Variants in EFEMP1 observed in about 807,000 individuals in gnomAD.
The protein encoded by EFEMP1 is EGF-containing fibulin-like extracellular matrix protein 1.
In EFEMP1, 18 loss-of-function variants were observed where a neutral mutation model predicts 65.7. The observed-to-expected ratio is 0.27, with a 90% CI of 0.19 to 0.41. The LOEUF is 0.41. Ranked by LOEUF, EFEMP1 falls within the 10% of genes least tolerant of loss-of-function variation. The pLI is 1.00. For synonymous variants in EFEMP1, 237 were observed against 219.7 expected (o/e 1.08, Z -0.70); for missense variants, 469 against 624.8 (o/e 0.75, Z 2.66).
rs1185041071 is a variant in EFEMP1, at chr2:55,866,263, T to C, written c.*810A>G. ...GAAATACCTTTTATCCATTTTGTTC[T>C]GCATCTTGTGGAAGTCCTGAATTCA... On this transcript the variant is annotated 3_prime_UTR_variant, in exon 12 of 12. Transcript: ENST00000355426. 6.6e-6 allele frequency: 1 copy of C among 152,238 alleles called. No individual in the cohort carries two copies. The allele number at this position is 152,238 out of a possible 1,614,324, so 9.4% of individuals were successfully genotyped here. A position where few individuals can be genotyped will look rare whatever the true frequency, so the allele number is the denominator to read the frequency against.
At position 55,877,062 on chromosome 2, in the gene EFEMP1, C is replaced by T. The variant is rs766611738; in HGVS notation, c.761-320G>A. Among the ~76,000 whole-genome samples, 4 of 152,078 alleles carry T rather than the reference C, an allele frequency of 2.6e-5. No individual in the cohort carries two copies. The highest frequency in any genetic ancestry group is 2.1e-4 in the South Asian group (1 of 4,810). On this transcript the variant is annotated intron_variant, in intron 7 of 11. Transcript: ENST00000355426. This position sits in a 1 kb window ranked among gnomAD's most constrained non-coding sequence, Gnocchi z 4.5. ...TAATGCTTCTAATAAATATACACTC[C>T]GGTATCGATTTTCTTTTGTTGTTCA...
chr2:55,871,387 A>G lies in EFEMP1; in HGVS notation c.1001-264T>C, dbSNP rs994326917. On this transcript the variant is annotated intron_variant, in intron 9 of 11. Transcript: ENST00000355426. The surrounding 1 kb of genome is among the most constrained non-coding windows in gnomAD (Gnocchi z 4.2). ...GTTCATCTGTTGAATTCAAACCCCA[A>G]TGTTAACCACTGACTCTGCCTATAT... Among the ~76,000 whole-genome samples the G allele has an allele frequency of 2.0e-5, 3 of 152,172 alleles. No homozygotes were observed. Among genetic ancestry groups the G allele is most frequent in the African/African-American group, 4.8e-5 (2 of 41,458 alleles).
At chr2:55,916,494 C>G (rs1323746535) in intron 5 of EFEMP1, among the ~76,000 whole-genome samples, 1 of 152,212 alleles carries the variant, frequency 6.6e-6, no homozygotes, top group Non-Finnish European at 1.5e-5. Context: ...GGGGCAGCAT[C>G]CCAGGGCACA....
At chr2:55,889,594 C>T (rs1446266716) in intron 5 of EFEMP1, among the ~76,000 whole-genome samples, 6 of 152,022 alleles carry the variant, frequency 3.9e-5, no homozygotes. Flanking sequence ...TAAATAAGTA[C>T]TGACTGCCTA....
rs568272529 is a variant in EFEMP1, at chr2:55,881,709, C to T, written c.543G>A (p.Thr181=). 431 of 1,613,918 alleles carry T rather than the reference C, an allele frequency of 2.7e-4. 5 individuals carry two copies. In the South Asian group the frequency reaches 4.1e-3, roughly 15 times the overall value. ...ACACTTGGTCTGCTCTACAGTTGTG[C>T]GTCCCTGCAGTGCACTCGTCTATGT... ...CQDIDECTAG[T]HNCRADQVCI... The change falls in exon 6 of 12, where the codon ACG becomes ACA. Residue 181 remains threonine, a synonymous_variant. Coordinates refer to ENST00000355426, the MANE Select transcript of EFEMP1 (RefSeq NM_001039348.3).
chr2:55,893,722 A>G (rs1669716187), intron 5 of EFEMP1, among the ~76,000 whole-genome samples: 1 of 152,204 alleles, frequency 6.6e-6, no homozygotes, highest in African/African-American at 2.4e-5. Context: ...TACTTCAGCT[A>G]TATACAGATG....
rs1669410934 is a variant in EFEMP1, at chr2:55,886,092, A to G, written c.518-4358T>C. Among the ~76,000 whole-genome samples the G allele has an allele frequency of 2.6e-5, 4 of 152,238 alleles. No homozygotes were observed. The South Asian group carries it at 8.3e-4, about 31-fold the overall frequency. Reference sequence around the variant, plus strand: ...TTGGTTTAAGAAATAATTTAGAACTACTTTTGAATAAGCCACTGTAGACTA... The same window carrying G: ...TTGGTTTAAGAAATAATTTAGAACTGCTTTTGAATAAGCCACTGTAGACTA... On this transcript the variant is annotated intron_variant, in intron 5 of 11. Transcript: ENST00000355426. This position sits in a 1 kb window ranked among gnomAD's most constrained non-coding sequence, Gnocchi z 4.0.
At chr2:55,906,200 A>C (rs545065557) in intron 5 of EFEMP1, among the ~76,000 whole-genome samples, 1 of 150,148 alleles carries the variant, frequency 6.7e-6, no homozygotes, top group South Asian at 2.1e-4. Flanking sequence ...ATATGATTGA[A>C]GTTCAGAACA....
chr2:55,879,506 C>T (rs78515582), intron 6 of EFEMP1, among the ~76,000 whole-genome samples: 8,176 of 152,242 alleles, frequency 0.054, 265 homozygotes, highest in Middle Eastern at 0.095. Flanking sequence ...GAATATGTGA[C>T]GCATGTCTTC....
At chr2:55,920,079 A>G (rs1670860892) in intron 3 of EFEMP1, among the ~76,000 whole-genome samples, 2 of 152,164 alleles carry the variant, frequency 1.3e-5, no homozygotes, top group Admixed American at 6.5e-5. Flanking sequence ...GGTTCTTCCC[A>G]CTACCCAGTT....
At chr2:55,892,375 A>T (rs727877) in intron 5 of EFEMP1, among the ~76,000 whole-genome samples, 15,239 of 152,012 alleles carry the variant, frequency 0.1, 929 homozygotes, top group East Asian at 0.21. Flanking sequence ...TCTAACTTGG[A>T]TCTTGGGAAA....
chr2:55,883,526 TGA>T lies in EFEMP1; in HGVS notation c.518-1794_518-1793del, dbSNP rs1669321162. ...CCAGCATTTGCAGTGATAACAGTCCTGAGAGATACGGCAATGTTAGATTCAGA... is the reference window on the plus strand; with the variant it reads ...CCAGCATTTGCAGTGATAACAGTCCTGAGATACGGCAATGTTAGATTCAGA... On this transcript the variant is annotated intron_variant, in intron 5 of 11. Transcript: ENST00000355426. This position sits in a 1 kb window ranked among gnomAD's most constrained non-coding sequence, Gnocchi z 4.5. 6.6e-6 allele frequency among the ~76,000 whole-genome samples: 1 copy of T among 152,226 alleles called. No individual in the cohort carries two copies. Among genetic ancestry groups the T allele is most frequent in the Non-Finnish European group, 1.5e-5 (1 of 68,032 alleles).
chr2:55,903,656 A>C (rs1251036739), intron 5 of EFEMP1, among the ~76,000 whole-genome samples: 1 of 152,216 alleles, frequency 6.6e-6, no homozygotes, highest in Non-Finnish European at 1.5e-5. Context: ...TAAACAATTG[A>C]ATCCCAAATC....
chr2:55,904,966 C>CT lies in EFEMP1; in HGVS notation c.517+12698dup, dbSNP rs796758221. Among the ~76,000 whole-genome samples the CT allele has an allele frequency of 2.0e-3, 144 of 70,518 alleles. 2 individuals carry two copies. The South Asian group carries it at 0.046, about 23-fold the overall frequency. 46.3% of individuals were successfully genotyped at this position (70,518 alleles called of 152,430 possible). On this transcript the variant is annotated intron_variant, in intron 5 of 11. Transcript: ENST00000355426. ...TTTCTTCTCTTCTAAGGGATAGTGG[C>CT]TTTTTTTTTTTTCTTTTTCTTTTTT...
At chr2:55,905,206 A>C (rs892354993) in intron 5 of EFEMP1, among the ~76,000 whole-genome samples, 5 of 151,922 alleles carry the variant, frequency 3.3e-5, no homozygotes, top group African/African-American at 1.2e-4. Flanking sequence ...CAGGACTTTT[A>C]CTCAATTTTT....
In EFEMP1 at chr2:55,871,264, A is replaced by G. The variant is rs1195359446; in HGVS notation, c.1001-141T>C. 5.3e-6 allele frequency: 6 copies of G among 1,132,092 alleles called. No homozygotes were observed. In the Admixed American group the frequency reaches 5.7e-5, roughly 11 times the overall value. 70.1% of individuals were successfully genotyped at this position (1,132,092 alleles called of 1,614,324 possible). On this transcript the variant is annotated intron_variant, in intron 9 of 11. Coordinates refer to ENST00000355426, the MANE Select transcript of EFEMP1 (RefSeq NM_001039348.3). This position sits in a 1 kb window ranked among gnomAD's most constrained non-coding sequence, Gnocchi z 4.2. ...TGTTCAACCTGCTTTTAGACACAAG[A>G]CTGGGTGTTCATTGTATTGAATTCA...
Position 55,873,376 on chromosome 2 carries a change from G to A in EFEMP1, c.1000+1570C>T, listed in dbSNP as rs1215728107. Among the ~76,000 whole-genome samples the A allele has an allele frequency of 5.9e-5, 9 of 151,966 alleles. No individual in the cohort carries two copies. Among genetic ancestry groups the A allele is most frequent in the African/African-American group, 2.2e-4 (9 of 41,412 alleles). On this transcript the variant is annotated intron_variant, in intron 9 of 11. Coordinates refer to ENST00000355426, the MANE Select transcript of EFEMP1 (RefSeq NM_001039348.3). This position sits in a 1 kb window ranked among gnomAD's most constrained non-coding sequence, Gnocchi z 4.6. ...GGAATCCCCCACTTACAATTTTGGT[G>A]CATTTTCCACCTTTAATTACAATAG...
At chr2:55,920,838 C>G (rs559576633) in intron 3 of EFEMP1, among the ~76,000 whole-genome samples, 21 of 152,246 alleles carry the variant, frequency 1.4e-4, no homozygotes, top group African/African-American at 4.6e-4. Context: ...CAGCGGGATA[C>G]TCAGAAATAG....
rs79168087 is a variant in EFEMP1 at position 55,919,101 on chromosome 2, G to T, written c.82-834C>A. On this transcript the variant is annotated intron_variant, in intron 3 of 11. Coordinates refer to ENST00000355426, the MANE Select transcript of EFEMP1 (RefSeq NM_001039348.3). The surrounding 1 kb of genome is among the most constrained non-coding windows in gnomAD (Gnocchi z 4.5). Reference sequence around the variant, plus strand: ...GACAGTAAATCAGGCTTTACAGGATGAGCAGGATTTTTCCAGGTGAATGTG... The same window carrying T: ...GACAGTAAATCAGGCTTTACAGGATTAGCAGGATTTTTCCAGGTGAATGTG... Among the ~76,000 whole-genome samples the T allele has an allele frequency of 2.5e-3, 384 of 152,328 alleles. 4 individuals carry two copies. The highest frequency in any genetic ancestry group is 8.9e-3 in the African/African-American group (368 of 41,578).
Sources: gnomAD v4.1 joint callset for allele counts (sites outside exome capture counted in the v4.1 genomes callset) on GRCh38, gnomAD v4.1.1 for gene constraint, Gnocchi (gnomAD v3.1) non-coding constraint, MANE v1.5 for transcripts, NCBI Gene and HGNC (gene_info 2026-07-23, HGNC 2026-07-21) for gene names.